ACTR3C: variants seen among roughly 807,000 people sequenced by gnomAD.
The protein encoded by ACTR3C is actin related protein 3C.
A neutral mutation model predicts 26.3 loss-of-function variants in ACTR3C; 18 were observed. The observed-to-expected ratio is 0.68, with a 90% CI of 0.47 to 1.01. The LOEUF (loss-of-function observed/expected upper bound fraction) is 1.01. ACTR3C is among the 50% of genes least tolerant of loss of function. ACTR3C has a pLI of 0.00. For synonymous variants in ACTR3C, 55 were observed against 94.5 expected (o/e 0.58, Z 2.42); for missense variants, 184 against 250.7 (o/e 0.73, Z 1.80).
At chr7:150,294,500 G>A (rs1402909268) in intron 2 of ACTR3C, among the ~76,000 whole-genome samples, 2 of 152,202 alleles carry the variant, frequency 1.3e-5, no homozygotes, top group African/African-American at 4.8e-5. Flanking sequence ...CTTAGCCAGG[G>A]GGAAGATCTG....
chr7:150,069,748 T>C, the ACTR3C span, among the ~76,000 whole-genome samples: 1 of 152,086 alleles, frequency 6.6e-6, no homozygotes, highest in South Asian at 2.1e-4. Context: ...GGGCTTATGT[T>C]ATTTTGTGTA....
At chr7:150,252,116 G>C (rs1411291778) in intron 6 of ACTR3C, among the ~76,000 whole-genome samples, 1 of 146,930 alleles carries the variant, frequency 6.8e-6, no homozygotes, top group African/African-American at 2.6e-5. Flanking sequence ...GTGTGTTTGT[G>C]TATGTGTCTG....
chr7:150,213,202 G>C, the ACTR3C span, among the ~76,000 whole-genome samples: 6 of 152,268 alleles, frequency 3.9e-5, no homozygotes, highest in East Asian at 1.2e-3. Context: ...CTTCTTAGCA[G>C]GACTCTGGTT....
At chr7:150,289,391 A>G (rs1390966588) in intron 4 of ACTR3C, 59 bp downstream of exon 4, 1 of 1,495,200 alleles carries the variant, frequency 6.7e-7, no homozygotes, top group East Asian at 2.5e-5. Context: ...ACCAAGGGGA[A>G]GTGTCCAGAA....
the ACTR3C span, among the ~76,000 whole-genome samples, chr7:150,227,688 G>GTGTTTTTTTTTTTTTTTTTTTTTTTTTT: frequency 1.4e-4 from 16 of 111,380 alleles, 1 homozygote; most frequent in Non-Finnish European, 1.8e-4. Flanking sequence ...TTGTGTCTGG[G>GTGTTTTTTTTTTTTTTTTTTTTTTTTTT]TTTTTTTTTT....
intron 1 of ACTR3C, among the ~76,000 whole-genome samples, chr7:150,305,445 G>C (rs567553030): frequency 6.6e-6 from 1 of 152,066 alleles, no homozygotes; most frequent in South Asian, 2.1e-4. Flanking sequence ...CTGGCCACGT[G>C]GCTCTCACTG....
the ACTR3C span, among the ~76,000 whole-genome samples, chr7:150,045,433 G>A: frequency 6.6e-6 from 1 of 152,360 alleles, no homozygotes; most frequent in African/African-American, 2.4e-5. Context: ...TATGTGCAAT[G>A]CATTTTGCAG....
the ACTR3C span, among the ~76,000 whole-genome samples, chr7:149,962,042 A>T: frequency 1.3e-5 from 2 of 152,180 alleles, no homozygotes; most frequent in African/African-American, 4.8e-5. Flanking sequence ...GTGGGTTCAC[A>T]GGAAGTGAGA....
At chr7:149,907,543 T>C in the ACTR3C span, among the ~76,000 whole-genome samples, 3 of 146,302 alleles carry the variant, frequency 2.1e-5, no homozygotes, top group Admixed American at 7.0e-5. Flanking sequence ...ATGTAACTGT[T>C]CTTTTACTCC....
intron 6 of ACTR3C, among the ~76,000 whole-genome samples, chr7:150,253,045 C>T (rs1029619320): frequency 2.6e-5 from 4 of 152,066 alleles, no homozygotes; most frequent in East Asian, 1.9e-4. Flanking sequence ...GCTGTTTTTA[C>T]GTATACTGGC....
chr7:150,272,958 G>T lies in ACTR3C; in HGVS notation c.564+11795C>A, dbSNP rs1184504011. Among the ~76,000 whole-genome samples the T allele has an allele frequency of 4.3e-5, 6 of 139,646 alleles. 1 individual carries two copies. Among genetic ancestry groups the T allele is most frequent in the Non-Finnish European group, 7.4e-5 (5 of 67,158 alleles). 91.6% of individuals were successfully genotyped at this position (139,646 alleles called of 152,430 possible). A position where few individuals can be genotyped will look rare whatever the true frequency, so the allele number is the denominator to read the frequency against. ...AATCCTCCTTCCTCAGCCCCCTAAA[G>T]TGCTGGGATTACACACATGAGCCAT... On this transcript the variant is annotated intron_variant, in intron 6 of 7. Transcript: ENST00000683684.
At chr7:150,042,514 C>CA in the ACTR3C span, among the ~76,000 whole-genome samples, 2 of 141,432 alleles carry the variant, frequency 1.4e-5, no homozygotes, top group African/African-American at 5.4e-5. Context: ...TGCCTCGCCC[C>CA]CTGCGATAGT....
intron 6 of ACTR3C, among the ~76,000 whole-genome samples, chr7:150,264,172 C>T (rs867276502): frequency 4.6e-5 from 7 of 152,206 alleles, no homozygotes; most frequent in Admixed American, 1.3e-4. Context: ...CAGCAACAGG[C>T]GGGGGCCAAA....
At chr7:150,041,257 G>T in the ACTR3C span, 2 of 150,764 alleles carry the variant, frequency 1.3e-5, no homozygotes, top group Non-Finnish European at 2.9e-5. Flanking sequence ...CAAAGTTTGG[G>T]ATCCACAGTC....
chr7:150,284,279 G>A (rs888372099), intron 6 of ACTR3C, among the ~76,000 whole-genome samples: 1 of 152,170 alleles, frequency 6.6e-6, no homozygotes, highest in African/African-American at 2.4e-5. Context: ...GGTGGCTCAT[G>A]TCTGTAATCC....
intron 3 of ACTR3C, among the ~76,000 whole-genome samples, chr7:150,289,853 G>C (rs1429421097): frequency 9.7e-6 from 1 of 103,200 alleles, no homozygotes; most frequent in Non-Finnish European, 1.8e-5. Context: ...ATTTCATTAG[G>C]AATATGAAAA....
At chr7:149,906,539 C>A in the ACTR3C span, among the ~76,000 whole-genome samples, 7,772 of 149,840 alleles carry the variant, frequency 0.052, 259 homozygotes, top group East Asian at 0.1. Flanking sequence ...TCAAGTGAGT[C>A]TCCTGCCTCA....
the ACTR3C span, among the ~76,000 whole-genome samples, chr7:149,995,787 A>T: frequency 1.3e-5 from 2 of 149,540 alleles, no homozygotes; most frequent in Admixed American, 6.7e-5. Context: ...GACCAACCAC[A>T]GCTCCGTGAG....
the ACTR3C span, among the ~76,000 whole-genome samples, chr7:149,944,967 A>G: frequency 6.6e-6 from 1 of 151,808 alleles, no homozygotes; most frequent in African/African-American, 2.4e-5. Flanking sequence ...GCCAAACTCA[A>G]ATGTGTGGGG....
Sources: allele counts gnomAD v4.1 joint callset (sites outside exome capture counted in the v4.1 genomes callset), GRCh38; gene constraint gnomAD v4.1.1; transcripts MANE v1.5; gene names NCBI Gene and HGNC (gene_info 2026-07-23, HGNC 2026-07-21).